ARID4A: variants seen among roughly 807,000 people sequenced by gnomAD.
The protein encoded by ARID4A is AT-rich interaction domain 4A, also known as AT-rich interactive domain-containing protein 4A.
Under a neutral mutation model 148.6 loss-of-function variants are expected in ARID4A, and 39 were observed. The observed-to-expected ratio is 0.26, with a 90% CI of 0.20 to 0.34. The LOEUF (loss-of-function observed/expected upper bound fraction) is 0.34, where lower values mean the gene tolerates loss of function less well. Ranked by LOEUF, ARID4A falls within the 10% of genes least tolerant of loss-of-function variation. The pLI is 1.00. For synonymous variants in ARID4A, 475 were observed against 481.2 expected (o/e 0.99, Z 0.17); for missense variants, 1,265 against 1,449.1 (o/e 0.87, Z 2.06).
intron 14 of ARID4A, 58 bp from the exon 15 acceptor site, chr14:58,347,589 G>T: frequency 7.6e-7 from 1 of 1,318,380 alleles, no homozygotes; most frequent in South Asian, 1.6e-5. Flanking sequence ...TTAATAACAT[G>T]AATTCAAGTT....
At chr14:58,334,528 A>G (rs2033698037) in intron 11 of ARID4A, among the ~76,000 whole-genome samples, 1 of 152,196 alleles carries the variant, frequency 6.6e-6, no homozygotes, top group Admixed American at 6.5e-5. Flanking sequence ...GGCCTTCAGC[A>G]CTATTGGTCA....
At chr14:58,359,020 G>C in intron 17 of ARID4A, 112 bp from the exon 18 acceptor site, 1 of 1,228,550 alleles carries the variant, frequency 8.1e-7, no homozygotes, top group East Asian at 2.6e-5. Flanking sequence ...CCAACACTAA[G>C]AACAAACTAT....
At chr14:58,353,527 T>G (rs1455360159) in intron 16 of ARID4A, 131 bp from the exon 17 acceptor site, 1 of 751,344 alleles carries the variant, frequency 1.3e-6, no homozygotes, top group Non-Finnish European at 2.1e-6. Flanking sequence ...CTCCTCCTTC[T>G]TCTCCTCCTC....
intron 2 of ARID4A, among the ~76,000 whole-genome samples, chr14:58,300,523 G>A (rs1225177749): frequency 1.3e-5 from 2 of 152,016 alleles, no homozygotes; most frequent in Non-Finnish European, 2.9e-5. Flanking sequence ...TATTCAATTT[G>A]TATTTTTTGT....
intron 5 of ARID4A, among the ~76,000 whole-genome samples, chr14:58,315,624 TAC>T (rs1418213617): frequency 1.3e-5 from 2 of 152,194 alleles, no homozygotes; most frequent in Non-Finnish European, 2.9e-5. Context: ...ATCTTATACT[TAC>T]AGATACTAAT....
Position 58,364,465 on chromosome 14 carries a change from A to G in ARID4A, c.2376A>G (p.Gly792=). Residue 792 remains glycine, a synonymous_variant, in exon 20 of 24, where the codon GGA becomes GGG. Coordinates refer to ENST00000355431, the MANE Select transcript of ARID4A (RefSeq NM_002892.4). ...VKKEAEKSPK[G]KGRRSKTKDL... ...AAGAAGCCGAAAAATCTCCAAAAGG[A>G]AAGGGAAGACGAAGCAAGACAAAAG... The G allele has an allele frequency of 6.2e-7, 1 of 1,613,292 alleles. No homozygotes were observed. The highest frequency in any genetic ancestry group is 8.5e-7 in the Non-Finnish European group (1 of 1,179,864).
intron 19 of ARID4A, 106 bp downstream of exon 19, chr14:58,361,148 T>C (rs1472177726): frequency 6.9e-7 from 1 of 1,443,000 alleles, no homozygotes; most frequent in Non-Finnish European, 9.2e-7. Flanking sequence ...ATCAATAACA[T>C]AAATAATAAA....
At chr14:58,331,564 C>T (rs894854889) in intron 11 of ARID4A, 25 of 151,960 alleles carry the variant, frequency 1.6e-4, no homozygotes, top group African/African-American at 5.6e-4. Flanking sequence ...TTGCCAAAAA[C>T]GGGATTAAAT....
At chr14:58,321,030 C>T (rs185025642) in intron 7 of ARID4A, among the ~76,000 whole-genome samples, 4 of 152,228 alleles carry the variant, frequency 2.6e-5, no homozygotes, top group East Asian at 3.9e-4. Flanking sequence ...GATGTTGTGT[C>T]CTGAAGGAAA....
intron 8 of ARID4A, among the ~76,000 whole-genome samples, chr14:58,326,427 ACT>A (rs1392903248): frequency 1.3e-5 from 2 of 152,070 alleles, no homozygotes; most frequent in African/African-American, 2.4e-5. Flanking sequence ...ACAAAGCAAG[ACT>A]CTGTCTCAGA....
At chr14:58,368,336 C>T (rs1266323208) in intron 23 of ARID4A, among the ~76,000 whole-genome samples, 1 of 152,074 alleles carries the variant, frequency 6.6e-6, no homozygotes, top group African/African-American at 2.4e-5. Flanking sequence ...AATGACCAGC[C>T]CAAGAAAAAT....
intron 15 of ARID4A, among the ~76,000 whole-genome samples, chr14:58,349,496 A>C (rs78831755): frequency 0.036 from 5,495 of 151,972 alleles, 124 homozygotes; most frequent in South Asian, 0.067. Flanking sequence ...AATACAAAAA[A>C]AAAAAAAAGT....
chr14:58,311,708 G>A (rs1262791088), intron 5 of ARID4A, among the ~76,000 whole-genome samples: 1 of 152,124 alleles, frequency 6.6e-6, no homozygotes, highest in Non-Finnish European at 1.5e-5. Flanking sequence ...GCAGATGAAT[G>A]TATAAAGAAA....
Position 58,330,103 on chromosome 14 carries a change from A to G in ARID4A, c.840A>G (p.Glu280=). ...EILESSSSDD[E]DGPAEENDEE... ...TTGAGTCATCCAGTAGTGATGATGA[A>G]GATGGCCCAGCTGAAGAAAATGATG... Residue 280 remains glutamate, a synonymous_variant, in exon 11 of 24, where the codon GAA becomes GAG. Coordinates refer to ENST00000355431, the MANE Select transcript of ARID4A (RefSeq NM_002892.4). 1 of 1,613,592 alleles carries G rather than the reference A, an allele frequency of 6.2e-7. No homozygotes were observed. The highest frequency in any genetic ancestry group is 8.5e-7 in the Non-Finnish European group (1 of 1,179,834).
chr14:58,343,222 A>G lies in ARID4A; in HGVS notation c.907-1473A>G, dbSNP rs369615200. Among the ~76,000 whole-genome samples the G allele has an allele frequency of 3.1e-3, 465 of 152,338 alleles. 31 individuals carry two copies. In the South Asian group the frequency reaches 0.093, roughly 30 times the overall value. ...CTTCACTAACTACTTTATAGTGATT[A>G]TTAACTTTGTAAATTGCTGATTTTG... On this transcript the variant is annotated intron_variant, in intron 11 of 23. Transcript: ENST00000355431.
intron 12 of ARID4A, among the ~76,000 whole-genome samples, chr14:58,346,081 GCAGTGTTTACTTTAGTTTTACTCAA>G (rs1280101179): frequency 6.6e-6 from 1 of 151,686 alleles, no homozygotes; most frequent in Non-Finnish European, 1.5e-5. Flanking sequence ...GCCACACCAT[GCAGTGTTTACTTTAGTTTTACTCAA>G]TTCATTGGCA....
intron 3 of ARID4A, among the ~76,000 whole-genome samples, chr14:58,301,928 T>A (rs990150076): frequency 3.9e-5 from 6 of 152,358 alleles, no homozygotes; most frequent in Middle Eastern, 3.4e-3. Flanking sequence ...CTCTTAACTA[T>A]TTGTGGTAGC....
chr14:58,365,887 T>G, intron 21 of ARID4A, 137 bp from the exon 22 acceptor site: 4 of 853,848 alleles, frequency 4.7e-6, no homozygotes, highest in Non-Finnish European at 7.0e-6. Context: ...TTTTGTTGTT[T>G]TTATATTGTT....
At chr14:58,338,302 C>T (rs2033931757) in intron 11 of ARID4A, among the ~76,000 whole-genome samples, 1 of 152,058 alleles carries the variant, frequency 6.6e-6, no homozygotes, top group Non-Finnish European at 1.5e-5. Flanking sequence ...TTTAAAAAAT[C>T]ACACTATTTA....
Sources: gnomAD v4.1 joint callset for allele counts (sites outside exome capture counted in the v4.1 genomes callset) on GRCh38, gnomAD v4.1.1 for gene constraint, MANE v1.5 for transcripts, NCBI Gene and HGNC (gene_info 2026-07-23, HGNC 2026-07-21) for gene names.